PROM1: variants seen among roughly 807,000 people sequenced by gnomAD.
The protein encoded by PROM1 is prominin-1.
PROM1 carries 105 observed loss-of-function variants against 116.9 expected under a neutral mutation model. The observed-to-expected ratio is 0.90, with a 90% CI of 0.77 to 1.06. PROM1 has a LOEUF of 1.06. PROM1 is among the 50% of genes least tolerant of loss of function. The pLI is 0.00. For synonymous variants in PROM1, 393 were observed against 387.0 expected (o/e 1.02, Z -0.18); for missense variants, 1,122 against 1,045.2 (o/e 1.07, Z -1.01).
intron 8 of PROM1, among the ~76,000 whole-genome samples, chr4:16,021,996 G>C (rs1327251982): frequency 1.3e-5 from 2 of 152,112 alleles, no homozygotes; most frequent in Non-Finnish European, 2.9e-5. Flanking sequence ...AAGAGGAAGG[G>C]ACATCAGAGA....
At chr4:15,992,816 A>G (rs945426484) in intron 16 of PROM1, among the ~76,000 whole-genome samples, 1 of 152,182 alleles carries the variant, frequency 6.6e-6, no homozygotes, top group Non-Finnish European at 1.5e-5. Context: ...CATTCCAGGG[A>G]AGGGACCAGT....
At chr4:15,980,192 T>A in intron 24 of PROM1, 2 of 609,172 alleles carry the variant, frequency 3.3e-6, no homozygotes, top group Non-Finnish European at 5.8e-6. Flanking sequence ...AAAAGGCTGG[T>A]TAGGGAAGCT....
intron 13 of PROM1, among the ~76,000 whole-genome samples, chr4:16,004,908 T>TC (rs1560461070): frequency 1.3e-5 from 1 of 74,488 alleles, no homozygotes; most frequent in Non-Finnish European, 2.5e-5. Context: ...TCTCTCTCCC[T>TC]TCCTTCCTTC....
rs748339972 is a variant in PROM1, at chr4:16,006,619, C to T, written c.1373G>A (p.Cys458Tyr). Residue 458 changes from cysteine (C) to tyrosine (Y), a missense_variant, in exon 13 of 28, where the codon TGT (cysteine) becomes TAT (tyrosine). Transcript: ENST00000447510. The stretch of plus-strand genomic sequence containing the variant: ...ATGCCTGTCATAGCCGCACACGCCA[C>T]ACAGTAAGCCCAGGTAGTAAAAAAT... The part of the protein sequence containing the change: ...IVIFYYLGLL[C>Y]GVCGYDRHAT... 3 of 1,611,676 alleles carry T rather than the reference C, an allele frequency of 1.9e-6. No individual in the cohort carries two copies. The African/African-American group carries it at 4.0e-5, about 22-fold the overall frequency.
At position 15,971,381 on chromosome 4, in the gene PROM1, A is replaced by G. The variant is rs1221424127; in HGVS notation, c.2583-299T>C. ...AAGAGTCACTAAGAATACGTGTTGA[A>G]GACATTAGACCAGCAGCAACACAGC... On this transcript the variant is annotated intron_variant, in intron 26 of 27. Coordinates refer to ENST00000447510, the MANE Select transcript of PROM1 (RefSeq NM_006017.3). The G allele has an allele frequency of 1.5e-5, 5 of 322,786 alleles. No individual in the cohort carries two copies. In the Admixed American group the frequency reaches 1.8e-4, roughly 11 times the overall value. 20.0% of individuals were successfully genotyped at this position (322,786 alleles called of 1,614,324 possible). A position where few individuals can be genotyped will look rare whatever the true frequency, so the allele number is the denominator to read the frequency against.
At chr4:15,984,444 C>CAAAAAAAA in intron 22 of PROM1, 89 bp from the exon 23 acceptor site, 1 of 955,810 alleles carries the variant, frequency 1.0e-6, no homozygotes, top group Admixed American at 2.9e-5. Flanking sequence ...GACTTGGTGT[C>CAAAAAAAA]ACAAAAAGGA....
chr4:16,020,549 G>A (rs1729592702), intron 8 of PROM1, among the ~76,000 whole-genome samples: 1 of 152,096 alleles, frequency 6.6e-6, no homozygotes, highest in Admixed American at 6.5e-5. Context: ...ATACACAGAA[G>A]AACACAAAAG....
chr4:16,079,782 C>T (rs2149606264), intron 1 of PROM1: 1 of 152,216 alleles, frequency 6.6e-6, no homozygotes, highest in South Asian at 2.1e-4. Context: ...CCCGCCTAGT[C>T]AATTCATGTC....
intron 15 of PROM1, among the ~76,000 whole-genome samples, chr4:15,994,545 A>C (rs1183111917): frequency 6.6e-6 from 1 of 152,072 alleles, no homozygotes; most frequent in Admixed American, 6.5e-5. Flanking sequence ...GTATATCCTC[A>C]TGGTGAGGAC....
chr4:16,010,675 T>C (rs2149259805), intron 11 of PROM1, among the ~76,000 whole-genome samples: 1 of 151,990 alleles, frequency 6.6e-6, no homozygotes, highest in South Asian at 2.1e-4. Context: ...GCTAATTTTT[T>C]ATGATTTTAC....
At chr4:16,049,379 A>T (rs1474344782) in intron 2 of PROM1, among the ~76,000 whole-genome samples, 1 of 152,232 alleles carries the variant, frequency 6.6e-6, no homozygotes, top group Non-Finnish European at 1.5e-5. Flanking sequence ...CAGGACAGGC[A>T]GTATGATTAG....
chr4:16,067,327 T>C (rs929722964), intron 2 of PROM1, among the ~76,000 whole-genome samples: 1 of 152,224 alleles, frequency 6.6e-6, no homozygotes, highest in Admixed American at 6.5e-5. Flanking sequence ...GTGGCAATTA[T>C]GACTTGCCTC....
At chr4:16,001,147 A>G (rs775984649) in intron 13 of PROM1, among the ~76,000 whole-genome samples, 1 of 152,124 alleles carries the variant, frequency 6.6e-6, no homozygotes, top group Non-Finnish European at 1.5e-5. Flanking sequence ...TTGGTGGATG[A>G]TGGAGATGTA....
chr4:16,075,835 T>C lies in PROM1; in HGVS notation c.72A>G (p.Ser24=). The part of the protein sequence containing the change: ...CGNSFSGGQP[S]STDAPKAWNY... The stretch of plus-strand genomic sequence containing the variant: ...TCCAAGCCTTAGGAGCATCTGTGGA[T>C]GAAGGCTGCCCTCCTGAAAAGGAGT... The change falls in exon 2 of 28, where the codon TCA becomes TCG. Residue 24 remains serine (S), a synonymous_variant. Transcript: ENST00000447510. The C allele has an allele frequency of 6.2e-7, 1 of 1,613,754 alleles. No individual in the cohort carries two copies. The highest frequency in any genetic ancestry group is 8.5e-7 in the Non-Finnish European group (1 of 1,179,830).
At chr4:16,064,718 C>A (rs1284522816) in intron 2 of PROM1, among the ~76,000 whole-genome samples, 2 of 152,114 alleles carry the variant, frequency 1.3e-5, no homozygotes, top group African/African-American at 4.8e-5. Flanking sequence ...CATGGTGAAA[C>A]CCTGTCTCTA....
At chr4:16,038,434 ACT>A (rs1460505025) in intron 3 of PROM1, among the ~76,000 whole-genome samples, 1 of 152,038 alleles carries the variant, frequency 6.6e-6, no homozygotes, top group African/African-American at 2.4e-5. Flanking sequence ...ATGGAGTCTC[ACT>A]CTGTCACCCA....
intron 5 of PROM1, 143 bp downstream of exon 5, chr4:16,033,161 G>A (rs1733141758): frequency 1.5e-6 from 1 of 686,424 alleles, no homozygotes; most frequent in East Asian, 2.7e-5. Flanking sequence ...ACAAGCGCTT[G>A]TGCTCTCTCT....
At position 16,060,212 on chromosome 4, in the gene PROM1, A is replaced by AT. The variant is rs962381024; in HGVS notation, c.220+15474dup. Among the ~76,000 whole-genome samples the AT allele has an allele frequency of 7.2e-5, 11 of 151,916 alleles. No individual in the cohort carries two copies. The East Asian group carries it at 7.7e-4, about 11-fold the overall frequency. ...AGTCATATAAATAGGTTATCCCTGCATTTTTTTTCCAAATTAAAGAGAAAC... is the reference window on the plus strand; with the variant it reads ...AGTCATATAAATAGGTTATCCCTGCATTTTTTTTTCCAAATTAAAGAGAAAC... On this transcript the variant is annotated intron_variant, in intron 2 of 27. Transcript: ENST00000447510.
chr4:16,048,059 G>T (rs111807491), intron 2 of PROM1, among the ~76,000 whole-genome samples: 26 of 152,302 alleles, frequency 1.7e-4, no homozygotes, highest in African/African-American at 6.0e-4. Flanking sequence ...AGGGTTAAGT[G>T]TGGCTTCTCT....
Sources: allele counts gnomAD v4.1 joint callset (sites outside exome capture counted in the v4.1 genomes callset), GRCh38; gene constraint gnomAD v4.1.1; transcripts MANE v1.5; gene names NCBI Gene and HGNC (gene_info 2026-07-23, HGNC 2026-07-21).